The following MEI4 variants were observed in gnomAD, a reference collection of about 807,000 sequenced individuals.
MEI4 encodes meiosis-specific protein MEI4.
In MEI4, 27 loss-of-function variants were observed where a neutral mutation model predicts 31.4. The ratio of observed to expected loss-of-function variants is 0.86; its 90% CI spans 0.63 to 1.19. MEI4 has a LOEUF of 1.19. MEI4 is among the 50% of genes most tolerant of loss of function. The probability of loss-of-function intolerance (pLI) is 0.00; values close to 1 mark genes in which losing one functional copy is unlikely to be tolerated. For missense variants in MEI4, 329 were observed against 398.9 expected (o/e 0.82, Z 1.49); for synonymous variants, 122 against 145.4 (o/e 0.84, Z 1.16).
intron 4 of MEI4, among the ~76,000 whole-genome samples, chr6:77,850,927 A>G (rs954603222): frequency 3.9e-5 from 6 of 152,128 alleles, no homozygotes; most frequent in African/African-American, 1.5e-4. Flanking sequence ...AAAGAACTCA[A>G]ACAAATTTAC....
intron 3 of MEI4, among the ~76,000 whole-genome samples, chr6:77,805,626 C>G (rs960253538): frequency 3.3e-5 from 5 of 151,690 alleles, no homozygotes; most frequent in African/African-American, 1.2e-4. Context: ...GTGTCTTAGA[C>G]CAGGAAAATA....
chr6:77,902,209 T>G (rs1035781281), intron 4 of MEI4, among the ~76,000 whole-genome samples: 19 of 152,046 alleles, frequency 1.2e-4, no homozygotes, highest in African/African-American at 4.1e-4. Context: ...CTCTTCACGA[T>G]TATTAAAACT....
At chr6:77,793,477 T>C (rs1328114328) in intron 3 of MEI4, among the ~76,000 whole-genome samples, 9 of 152,180 alleles carry the variant, frequency 5.9e-5, no homozygotes, top group Non-Finnish European at 1.2e-4. Flanking sequence ...AAGGTAAATA[T>C]GTAGTGAAGA....
chr6:77,892,110 A>G (rs1025074257), intron 4 of MEI4, among the ~76,000 whole-genome samples: 1 of 152,130 alleles, frequency 6.6e-6, no homozygotes, highest in Non-Finnish European at 1.5e-5. Context: ...TGTTGTCAGT[A>G]GCAGTGGTGG....
intron 4 of MEI4, among the ~76,000 whole-genome samples, chr6:77,882,194 A>G (rs1581948465): frequency 6.6e-6 from 1 of 152,224 alleles, no homozygotes. Flanking sequence ...GGTCTGGAAG[A>G]GTCCTGAACC....
chr6:77,865,088 A>T (rs938558148), intron 4 of MEI4, among the ~76,000 whole-genome samples: 2 of 152,242 alleles, frequency 1.3e-5, no homozygotes, highest in African/African-American at 4.8e-5. Context: ...AGCAGTGTGT[A>T]GAGGGAAATT....
At chr6:77,795,699 AC>A (rs1218278312) in intron 3 of MEI4, among the ~76,000 whole-genome samples, 1 of 151,968 alleles carries the variant, frequency 6.6e-6, no homozygotes, top group African/African-American at 2.4e-5. Flanking sequence ...TACACAACCT[AC>A]CAAGACTGAA....
chr6:77,851,792 A>G (rs1316901954), intron 4 of MEI4, among the ~76,000 whole-genome samples: 8 of 152,176 alleles, frequency 5.3e-5, no homozygotes, highest in Admixed American at 1.3e-4. Context: ...TTAAAAAGAA[A>G]AAAAAGCAGG....
At chr6:77,741,430 G>A (rs1470808282) in intron 2 of MEI4, among the ~76,000 whole-genome samples, 1 of 152,094 alleles carries the variant, frequency 6.6e-6, no homozygotes, top group Admixed American at 6.6e-5. Context: ...CCAGAAGGCA[G>A]TAATCAGCTA....
intron 1 of MEI4, among the ~76,000 whole-genome samples, chr6:77,656,575 C>G (rs959661387): frequency 6.6e-6 from 1 of 152,192 alleles, no homozygotes; most frequent in Non-Finnish European, 1.5e-5. Flanking sequence ...ATCCTTAACT[C>G]TAGTGCCTGG....
intron 4 of MEI4, among the ~76,000 whole-genome samples, chr6:77,844,097 A>T (rs1217402982): frequency 6.6e-6 from 1 of 152,152 alleles, no homozygotes; most frequent in African/African-American, 2.4e-5. Context: ...GTCTTCAAAC[A>T]GATCACATCA....
At chr6:77,769,679 C>T (rs1002635007) in intron 3 of MEI4, among the ~76,000 whole-genome samples, 5 of 152,024 alleles carry the variant, frequency 3.3e-5, no homozygotes, top group Admixed American at 6.6e-5. Context: ...AATAAGGCAA[C>T]GGGCAGACTC....
intron 3 of MEI4, among the ~76,000 whole-genome samples, chr6:77,771,409 C>T (rs966942090): frequency 6.6e-6 from 1 of 151,954 alleles, no homozygotes; most frequent in Non-Finnish European, 1.5e-5. Context: ...AAAGGAATTA[C>T]TATTTTACCT....
chr6:77,698,577 A>G (rs1280215526), intron 2 of MEI4, among the ~76,000 whole-genome samples: 1 of 152,160 alleles, frequency 6.6e-6, no homozygotes, highest in South Asian at 2.1e-4. Context: ...CTTTTCTTTA[A>G]GAATGTTGAA....
chr6:77,780,760 A>T (rs1768573994), intron 3 of MEI4, among the ~76,000 whole-genome samples: 2 of 152,184 alleles, frequency 1.3e-5, no homozygotes, highest in South Asian at 4.1e-4. Context: ...AGTAATTCGA[A>T]TTCTAATATT....
At chr6:77,841,299 G>A (rs1387723334) in intron 4 of MEI4, among the ~76,000 whole-genome samples, 1 of 118,344 alleles carries the variant, frequency 8.4e-6, no homozygotes, top group African/African-American at 3.5e-5. Flanking sequence ...TACTGAGAAA[G>A]GTTACAAATG....
intron 3 of MEI4, among the ~76,000 whole-genome samples, chr6:77,793,272 G>A (rs1384332260): frequency 6.6e-6 from 1 of 152,150 alleles, no homozygotes; most frequent in Non-Finnish European, 1.5e-5. Context: ...AAGAAAAAAG[G>A]CAACCAAGAA....
intron 4 of MEI4, among the ~76,000 whole-genome samples, chr6:77,916,463 T>C (rs944796150): frequency 6.6e-6 from 1 of 152,076 alleles, no homozygotes; most frequent in African/African-American, 2.4e-5. Context: ...GCACATGGTG[T>C]TGGTTAGTTT....
At position 77,680,837 on chromosome 6, in the gene MEI4, T is replaced by C. The variant is rs9448134; in HGVS notation, c.-14-9821T>C. On this transcript the variant is annotated intron_variant, in intron 1 of 4. Transcript: ENST00000684080. The stretch of plus-strand genomic sequence containing the variant: ...CTGAAATTTGTGGTGTTCTCCTCAA[T>C]GAAATTTAAATGAGTGAGACTGATG... 8.0e-3 allele frequency among the ~76,000 whole-genome samples: 1,225 copies of C among 152,308 alleles called. 14 individuals carry two copies. The highest frequency in any genetic ancestry group is 0.027 in the African/African-American group (1,109 of 41,570).
Sources: gnomAD v4.1 joint callset for allele counts (sites outside exome capture counted in the v4.1 genomes callset) on GRCh38, gnomAD v4.1.1 for gene constraint, MANE v1.5 for transcripts, NCBI Gene and HGNC (gene_info 2026-07-23, HGNC 2026-07-21) for gene names.